Variants in EHBP1 observed in about 807,000 individuals in gnomAD.
EHBP1 encodes the protein EH domain binding protein 1.
A neutral mutation model predicts 144.0 loss-of-function variants in EHBP1; 55 were observed. The ratio of observed to expected loss-of-function variants is 0.38; its 90% CI spans 0.31 to 0.48. The LOEUF (loss-of-function observed/expected upper bound fraction) is 0.48, where lower values mean the gene tolerates loss of function less well. Ranked by LOEUF, EHBP1 falls within the 20% of genes least tolerant of loss-of-function variation. The probability of loss-of-function intolerance (pLI) is 0.98; values close to 1 mark genes in which losing one functional copy is unlikely to be tolerated. For missense variants in EHBP1, 1,200 were observed against 1,364.2 expected, an observed-to-expected ratio of 0.88 and a Z score of 1.90; for synonymous variants, 469 against 472.7, an observed-to-expected ratio of 0.99 and a Z score of 0.10.
intron 5 of EHBP1, among the ~76,000 whole-genome samples, chr2:62,792,124 T>C (rs148668963): frequency 1.1e-3 from 170 of 152,174 alleles, no homozygotes; most frequent in African/African-American, 3.3e-3. Flanking sequence ...CTACTTACAG[T>C]TATTTCAGAC....
intron 5 of EHBP1, among the ~76,000 whole-genome samples, chr2:62,819,432 T>A (rs1003929162): frequency 6.6e-6 from 1 of 152,102 alleles, no homozygotes; most frequent in East Asian, 1.9e-4. Flanking sequence ...AGGATATAGG[T>A]GTAAAAATAT....
chr2:62,972,315 G>T (rs1334264071), intron 14 of EHBP1, among the ~76,000 whole-genome samples: 1 of 152,100 alleles, frequency 6.6e-6, no homozygotes, highest in Non-Finnish European at 1.5e-5. Context: ...GATAATCATT[G>T]TCCCTACTCT....
chr2:62,800,521 G>T (rs2043902254), intron 5 of EHBP1, among the ~76,000 whole-genome samples: 1 of 152,130 alleles, frequency 6.6e-6, no homozygotes, highest in South Asian at 2.1e-4. Context: ...TTTTATACTG[G>T]CAGTTGTCTG....
intron 19 of EHBP1, among the ~76,000 whole-genome samples, chr2:63,030,778 C>T (rs948061258): frequency 1.4e-5 from 2 of 145,916 alleles, no homozygotes; most frequent in African/African-American, 5.1e-5. Flanking sequence ...GGCATGAACC[C>T]GCACACCCAG....
intron 13 of EHBP1, among the ~76,000 whole-genome samples, chr2:62,951,642 A>G (rs1574212272): frequency 6.8e-6 from 1 of 147,494 alleles, no homozygotes; most frequent in East Asian, 2.0e-4. Flanking sequence ...CTCCTGCCTC[A>G]GCCTCCCGAG....
intron 5 of EHBP1, among the ~76,000 whole-genome samples, chr2:62,816,913 C>A (rs2045493765): frequency 6.6e-6 from 1 of 152,180 alleles, no homozygotes; most frequent in Admixed American, 6.5e-5. Flanking sequence ...CTGTTTATCC[C>A]CGTTCTGGCT....
At chr2:63,014,676 A>G (rs2060410779) in intron 19 of EHBP1, among the ~76,000 whole-genome samples, 2 of 152,216 alleles carry the variant, frequency 1.3e-5, no homozygotes, top group South Asian at 4.1e-4. Context: ...GTACATTTTT[A>G]TATATAAAGA....
At chr2:62,726,171 C>G (rs779664615) in intron 2 of EHBP1, among the ~76,000 whole-genome samples, 3 of 152,210 alleles carry the variant, frequency 2.0e-5, no homozygotes, top group Non-Finnish European at 4.4e-5. Context: ...TGCTCCTTCA[C>G]CAAACCCTCT....
At chr2:62,851,533 A>G (rs2152760308) in intron 7 of EHBP1, among the ~76,000 whole-genome samples, 1 of 152,288 alleles carries the variant, frequency 6.6e-6, no homozygotes, top group East Asian at 1.9e-4. Flanking sequence ...TCTCAATGAT[A>G]ATGTTTATCA....
intron 16 of EHBP1, among the ~76,000 whole-genome samples, chr2:62,991,635 G>A (rs1393377138): frequency 6.6e-6 from 1 of 152,142 alleles, no homozygotes; most frequent in Non-Finnish European, 1.5e-5. Flanking sequence ...AGTCAAAAAT[G>A]CCACATTATA....
chr2:62,708,418 T>C (rs1294181611), intron 2 of EHBP1, among the ~76,000 whole-genome samples: 1 of 152,118 alleles, frequency 6.6e-6, no homozygotes, highest in Non-Finnish European at 1.5e-5. Context: ...AAATTCACCG[T>C]GAGAGATGCA....
chr2:62,708,324 A>G (rs1039627433), intron 2 of EHBP1, among the ~76,000 whole-genome samples: 7 of 152,198 alleles, frequency 4.6e-5, no homozygotes, highest in Admixed American at 1.3e-4. Flanking sequence ...ACTTTATACC[A>G]GGTACTGTGG....
intron 10 of EHBP1, among the ~76,000 whole-genome samples, chr2:62,913,433 C>CA (rs935359099): frequency 6.6e-6 from 1 of 152,092 alleles, no homozygotes; most frequent in African/African-American, 2.4e-5. Flanking sequence ...TTAGAGACCA[C>CA]AAAAAAGGGA....
chr2:62,760,631 C>G (rs1329682741), intron 3 of EHBP1, among the ~76,000 whole-genome samples: 1 of 152,144 alleles, frequency 6.6e-6, no homozygotes, highest in African/African-American at 2.4e-5. Context: ...TAGACGGTCT[C>G]CGTATTCCCT....
intron 19 of EHBP1, among the ~76,000 whole-genome samples, chr2:63,019,048 A>C (rs921137179): frequency 4.6e-5 from 7 of 152,232 alleles, no homozygotes; most frequent in Non-Finnish European, 8.8e-5. Context: ...TTTTTTAAGA[A>C]AAATTAATCT....
At chr2:62,931,242 C>T (rs1303522079) in intron 10 of EHBP1, among the ~76,000 whole-genome samples, 1 of 152,288 alleles carries the variant, frequency 6.6e-6, no homozygotes, top group East Asian at 1.9e-4. Context: ...CCAAAGAACA[C>T]ATACAGATAG....
intron 13 of EHBP1, among the ~76,000 whole-genome samples, chr2:62,951,540 G>T (rs560923019): frequency 2.6e-4 from 37 of 142,872 alleles, no homozygotes; most frequent in African/African-American, 3.3e-4. Context: ...TTTTTGGGGG[G>T]GGGGGGTGGA....
chr2:62,795,970 A>C (rs1367967850), intron 5 of EHBP1, among the ~76,000 whole-genome samples: 3 of 151,712 alleles, frequency 2.0e-5, no homozygotes, highest in Non-Finnish European at 4.4e-5. Flanking sequence ...AGAAATAATA[A>C]ATTTTGTAAT....
chr2:62,985,118 A>G (rs561136009), intron 15 of EHBP1, among the ~76,000 whole-genome samples: 1 of 152,136 alleles, frequency 6.6e-6, no homozygotes, highest in East Asian at 1.9e-4. Flanking sequence ...CTTTCATCCT[A>G]GGTTAGGCTC....
Sources: allele counts gnomAD v4.1 joint callset (sites outside exome capture counted in the v4.1 genomes callset), GRCh38; gene constraint gnomAD v4.1.1; transcripts MANE v1.5; gene names NCBI Gene and HGNC (gene_info 2026-07-23, HGNC 2026-07-21).